LYPD6B: variants seen among roughly 807,000 people sequenced by gnomAD.
LYPD6B encodes the protein LY6/PLAUR domain containing 6B.
Under a neutral mutation model 22.8 loss-of-function variants are expected in LYPD6B, and 17 were observed. The ratio of observed to expected loss-of-function variants is 0.75; its 90% CI spans 0.51 to 1.12. The LOEUF is 1.12. Among genes scored for constraint, LYPD6B ranks in the 50% most tolerant of loss-of-function variants. LYPD6B has a pLI of 0.00. For synonymous variants in LYPD6B, 106 were observed against 91.6 expected (o/e 1.16, Z -0.90); for missense variants, 221 against 258.3 (o/e 0.86, Z 0.99).
intron 3 of LYPD6B, among the ~76,000 whole-genome samples, chr2:149,180,002 A>G (rs1402237758): frequency 2.0e-5 from 3 of 152,220 alleles, no homozygotes; most frequent in Admixed American, 6.5e-5. Flanking sequence ...AGGAAATGTC[A>G]GAAATGGAAA....
rs140730682 is a variant in LYPD6B at position 149,149,873 on chromosome 2, T to C, written c.6-10891T>C. On this transcript the variant is annotated intron_variant, in intron 2 of 6. Transcript: ENST00000409642. ...ATCCACATCCTTTAGTCCTGCTCTG[T>C]AGAGACCACCTTCCTTTATTGTTGT... 1.4e-3 allele frequency among the ~76,000 whole-genome samples: 209 copies of C among 152,352 alleles called. 2 individuals are homozygous for C. The highest frequency in any genetic ancestry group is 4.8e-3 in the African/African-American group (199 of 41,582).
At chr2:149,153,470 G>T (rs1689498954) in intron 2 of LYPD6B, among the ~76,000 whole-genome samples, 1 of 148,584 alleles carries the variant, frequency 6.7e-6, no homozygotes, top group Non-Finnish European at 1.5e-5. Context: ...AAAGGAAACT[G>T]GGAGAATAGT....
chr2:149,158,474 C>T (rs975198660), intron 2 of LYPD6B, among the ~76,000 whole-genome samples: 1 of 152,010 alleles, frequency 6.6e-6, no homozygotes, highest in African/African-American at 2.4e-5. Context: ...AATAGTCAAA[C>T]TCAAAGAGAC....
intron 1 of LYPD6B, among the ~76,000 whole-genome samples, chr2:149,056,905 C>T (rs996722603): frequency 6.6e-6 from 1 of 152,168 alleles, no homozygotes; most frequent in Admixed American, 6.5e-5. Context: ...TACCCAAAAG[C>T]TTTGGGGGTC....
chr2:149,201,741 G>T (rs1693172942), intron 3 of LYPD6B, among the ~76,000 whole-genome samples: 1 of 152,202 alleles, frequency 6.6e-6, no homozygotes, highest in African/African-American at 2.4e-5. Flanking sequence ...CAGTTTTGCA[G>T]AATTTTGATA....
At chr2:149,040,813 C>G (rs773554008) in intron 1 of LYPD6B, among the ~76,000 whole-genome samples, 2 of 152,248 alleles carry the variant, frequency 1.3e-5, no homozygotes, top group Non-Finnish European at 2.9e-5. Context: ...AAGTCTTCAT[C>G]TAATGCATGG....
rs1262792617 is a variant in LYPD6B at position 149,119,208 on chromosome 2, C to G, written c.-66-11675C>G. 3 of 152,084 alleles carry G rather than the reference C, an allele frequency of 2.0e-5. No homozygotes were observed. The South Asian group carries it at 6.2e-4, about 31-fold the overall frequency. The allele number at this position is 152,084 out of a possible 1,614,324, so 9.4% of individuals were successfully genotyped here. A position where few individuals can be genotyped will look rare whatever the true frequency, so the allele number is the denominator to read the frequency against. On this transcript the variant is annotated intron_variant, in intron 1 of 6. Coordinates refer to ENST00000409642, the MANE Select transcript of LYPD6B (RefSeq NM_177964.5). Reference sequence around the variant, plus strand: ...GTGTAATTAAAGAAAATTATTATCACTTGGCTATGAAATGGGAATGGCAAT... The same window carrying G: ...GTGTAATTAAAGAAAATTATTATCAGTTGGCTATGAAATGGGAATGGCAAT...
intron 3 of LYPD6B, among the ~76,000 whole-genome samples, chr2:149,178,356 A>G (rs778568362): frequency 2.0e-5 from 3 of 152,240 alleles, no homozygotes; most frequent in Non-Finnish European, 4.4e-5. Flanking sequence ...TATAAAGACA[A>G]CATCTTATCA....
chr2:149,075,027 C>G (rs1209722337), intron 1 of LYPD6B, among the ~76,000 whole-genome samples: 1 of 152,106 alleles, frequency 6.6e-6, no homozygotes. Flanking sequence ...AAACAAAATG[C>G]CTTTTCTCTT....
At chr2:149,097,488 G>A (rs1685958539) in intron 1 of LYPD6B, among the ~76,000 whole-genome samples, 1 of 152,210 alleles carries the variant, frequency 6.6e-6, no homozygotes, top group East Asian at 1.9e-4. Context: ...CTGAAATTCA[G>A]ATTTGACTGA....
chr2:149,071,031 G>A (rs1484483612), intron 1 of LYPD6B, among the ~76,000 whole-genome samples: 2 of 152,168 alleles, frequency 1.3e-5, no homozygotes, highest in African/African-American at 2.4e-5. Flanking sequence ...TTCCACACCC[G>A]GCATTAGTAG....
chr2:149,047,048 T>G (rs989811114), intron 1 of LYPD6B, among the ~76,000 whole-genome samples: 4 of 152,234 alleles, frequency 2.6e-5, no homozygotes, highest in African/African-American at 9.6e-5. Flanking sequence ...GGCTTGTAGG[T>G]TATAGTTTGC....
At chr2:149,170,191 T>C (rs913313218) in intron 3 of LYPD6B, among the ~76,000 whole-genome samples, 2 of 152,158 alleles carry the variant, frequency 1.3e-5, no homozygotes, top group East Asian at 1.9e-4. Context: ...GCTATGAAAA[T>C]GGATAGTTAT....
chr2:149,043,006 G>A (rs1222626554), intron 1 of LYPD6B, among the ~76,000 whole-genome samples: 1 of 152,126 alleles, frequency 6.6e-6, no homozygotes, highest in Admixed American at 6.5e-5. Context: ...ATGGTACCAG[G>A]TCATGAGAAA....
At chr2:149,120,530 C>T (rs950000385) in intron 1 of LYPD6B, among the ~76,000 whole-genome samples, 10 of 147,596 alleles carry the variant, frequency 6.8e-5, no homozygotes, top group African/African-American at 2.3e-4. Context: ...CTACAGGCGC[C>T]CGCCACCACA....
chr2:149,081,433 CTT>C (rs1391710296), intron 1 of LYPD6B, among the ~76,000 whole-genome samples: 1 of 152,116 alleles, frequency 6.6e-6, no homozygotes, highest in Non-Finnish European at 1.5e-5. Context: ...TTGAATTAAA[CTT>C]TTATTGAAGT....
intron 2 of LYPD6B, among the ~76,000 whole-genome samples, chr2:149,139,272 A>G (rs1163459720): frequency 6.6e-6 from 1 of 152,156 alleles, no homozygotes; most frequent in East Asian, 1.9e-4. Context: ...TCAGCTTATT[A>G]GCAATAGAAA....
intron 2 of LYPD6B, among the ~76,000 whole-genome samples, chr2:149,139,665 A>G (rs73963701): frequency 0.014 from 2,118 of 152,336 alleles, 42 homozygotes; most frequent in African/African-American, 0.048. Context: ...TTACAGCAAC[A>G]TAACTACTTT....
chr2:149,120,381 ATATTTTTTTT>A (rs1401153508), intron 1 of LYPD6B, among the ~76,000 whole-genome samples: 1 of 43,490 alleles, frequency 2.3e-5, no homozygotes, highest in Non-Finnish European at 3.6e-5. Flanking sequence ...ATATATATAT[ATATTTTTTTT>A]TTTTTTTTTT....
Sources: gnomAD v4.1 joint callset for allele counts (sites outside exome capture counted in the v4.1 genomes callset) on GRCh38, gnomAD v4.1.1 for gene constraint, MANE v1.5 for transcripts, NCBI Gene and HGNC (gene_info 2026-07-23, HGNC 2026-07-21) for gene names.